FIRRM: variants seen among roughly 807,000 people sequenced by gnomAD.
The protein encoded by FIRRM is FIGNL1 interacting regulator of recombination and mitosis.
chr1:169,788,750 A>G, the FIRRM span, among the ~76,000 whole-genome samples: 1 of 152,166 alleles, frequency 6.6e-6, no homozygotes, highest in African/African-American at 2.4e-5. Flanking sequence ...TTGGCCACTC[A>G]CCTTGCTCTG....
chr1:169,790,406 A>C, the FIRRM span, among the ~76,000 whole-genome samples: 1 of 152,050 alleles, frequency 6.6e-6, no homozygotes, highest in Non-Finnish European at 1.5e-5. Flanking sequence ...GGGTGGTCTC[A>C]AACTCCTGAC....
At chr1:169,843,461 A>G in the FIRRM span, among the ~76,000 whole-genome samples, 47 of 152,302 alleles carry the variant, frequency 3.1e-4, no homozygotes, top group Admixed American at 7.8e-4. Context: ...GATCTTGAAC[A>G]AATTGTTTAA....
At chr1:169,848,223 AG>A in the FIRRM span, among the ~76,000 whole-genome samples, 10 of 152,314 alleles carry the variant, frequency 6.6e-5, no homozygotes, top group African/African-American at 2.4e-4. Flanking sequence ...AAATATGTAT[AG>A]CTGACAAATA....
the FIRRM span, chr1:169,806,158 A>AT: frequency 1.2e-6 from 1 of 843,150 alleles, no homozygotes; most frequent in Non-Finnish European, 1.9e-6. Context: ...ATTATTCATG[A>AT]TTCTTTAGAT....
the FIRRM span, among the ~76,000 whole-genome samples, chr1:169,822,494 A>G: frequency 3.3e-5 from 5 of 150,652 alleles, no homozygotes; most frequent in African/African-American, 9.8e-5. Flanking sequence ...TGCCTTGACA[A>G]CTTTTCTATT....
chr1:169,785,266 A>G, the FIRRM span, among the ~76,000 whole-genome samples: 1 of 152,144 alleles, frequency 6.6e-6, no homozygotes, highest in Admixed American at 6.5e-5. Flanking sequence ...GCCCCGTGGT[A>G]CTGTCTAGAG....
chr1:169,812,013 T>C, the FIRRM span, among the ~76,000 whole-genome samples: 1 of 152,202 alleles, frequency 6.6e-6, no homozygotes, highest in African/African-American at 2.4e-5. Flanking sequence ...ACCCACACCT[T>C]CTTTGTTGGC....
the FIRRM span, chr1:169,829,125 C>T: frequency 3.0e-5 from 20 of 657,834 alleles, no homozygotes; most frequent in Non-Finnish European, 3.8e-5. Context: ...CATATTCACA[C>T]GTGTTGGAAA....
chr1:169,798,000 C>G, the FIRRM span, among the ~76,000 whole-genome samples: 1 of 151,844 alleles, frequency 6.6e-6, no homozygotes, highest in African/African-American at 2.4e-5. Flanking sequence ...GAATTTCAGT[C>G]AAATAAAGTT....
the FIRRM span, chr1:169,826,943 T>A: frequency 6.3e-6 from 6 of 957,914 alleles, no homozygotes; most frequent in Non-Finnish European, 9.0e-6. Context: ...TTTAAAAACT[T>A]AGTTTTTAAT....
the FIRRM span, among the ~76,000 whole-genome samples, chr1:169,804,620 C>T: frequency 6.6e-6 from 1 of 152,140 alleles, no homozygotes; most frequent in Non-Finnish European, 1.5e-5. Flanking sequence ...TGTCTATTCT[C>T]ATATACATAT....
chr1:169,793,509 G>A, the FIRRM span: 1 of 1,614,132 alleles, frequency 6.2e-7, no homozygotes, highest in East Asian at 2.2e-5. Flanking sequence ...ATTGACTTAT[G>A]TTCCCACAAG....
At chr1:169,785,104 C>G in the FIRRM span, among the ~76,000 whole-genome samples, 35 of 152,294 alleles carry the variant, frequency 2.3e-4, no homozygotes, top group South Asian at 4.1e-3. Context: ...AGCTTGTGTA[C>G]ATGTTGAGAT....
chr1:169,792,095 A>T, the FIRRM span, among the ~76,000 whole-genome samples: 1 of 152,204 alleles, frequency 6.6e-6, no homozygotes, highest in Non-Finnish European at 1.5e-5. Flanking sequence ...AATTTAGTTA[A>T]ATTCTCAGCA....
the FIRRM span, chr1:169,849,823 A>G: frequency 1.8e-6 from 1 of 542,496 alleles, no homozygotes; most frequent in Non-Finnish European, 3.3e-6. Flanking sequence ...AAGGACCAGA[A>G]CAGGCATACA....
chr1:169,820,784 T>G, the FIRRM span, among the ~76,000 whole-genome samples: 2 of 152,082 alleles, frequency 1.3e-5, no homozygotes, highest in African/African-American at 4.8e-5. Context: ...CTCAGTATTG[T>G]CCCTACAGGG....
the FIRRM span, chr1:169,804,012 A>G: frequency 9.0e-7 from 1 of 1,107,848 alleles, no homozygotes; most frequent in Non-Finnish European, 1.2e-6. Context: ...GTATGAATTA[A>G]AGTAAATTTG....
the FIRRM span, among the ~76,000 whole-genome samples, chr1:169,813,702 T>C: frequency 9.2e-5 from 14 of 152,298 alleles, no homozygotes; most frequent in African/African-American, 3.1e-4. Flanking sequence ...AGCGGTCTTA[T>C]AAAAAAGGAG....
At chr1:169,825,612 A>G in the FIRRM span, among the ~76,000 whole-genome samples, 5 of 152,202 alleles carry the variant, frequency 3.3e-5, no homozygotes, top group African/African-American at 1.2e-4. Flanking sequence ...TTTCATTACT[A>G]TGTTTTATTT....
Sources: allele counts gnomAD v4.1 joint callset (sites outside exome capture counted in the v4.1 genomes callset), GRCh38; gene constraint gnomAD v4.1.1; transcripts MANE v1.5; gene names NCBI Gene and HGNC (gene_info 2026-07-23, HGNC 2026-07-21).